GCLC: variants seen among roughly 807,000 people sequenced by gnomAD.
GCLC encodes glutamate--cysteine ligase catalytic subunit.
Under a neutral mutation model 81.5 loss-of-function variants are expected in GCLC, and 30 were observed. That is an observed-to-expected ratio of 0.37 (90% CI 0.28 to 0.50). The LOEUF is 0.50. Ranked by LOEUF, GCLC falls within the 20% of genes least tolerant of loss-of-function variation. GCLC has a pLI of 0.96. For synonymous variants in GCLC, 262 were observed against 273.3 expected (o/e 0.96, Z 0.41); for missense variants, 556 against 777.4 (o/e 0.72, Z 3.39).
At chr6:53,540,554 T>C (rs368579257) in intron 1 of GCLC, among the ~76,000 whole-genome samples, 29 of 152,118 alleles carry the variant, frequency 1.9e-4, no homozygotes, top group African/African-American at 6.3e-4. Flanking sequence ...GTTTCAATTA[T>C]GCAAGATAAA....
chr6:53,501,930 G>A (rs954686783), intron 12 of GCLC, among the ~76,000 whole-genome samples: 4 of 152,150 alleles, frequency 2.6e-5, no homozygotes, highest in African/African-American at 4.8e-5. Context: ...GACATTTAAA[G>A]CTATAATTTT....
rs367958073 is a variant in GCLC at position 53,507,670 on chromosome 6, T to C, written c.946-52A>G. On this transcript the variant is annotated intron_variant, in intron 8 of 15. Coordinates refer to ENST00000650454, the MANE Select transcript of GCLC (RefSeq NM_001498.4). The stretch of plus-strand genomic sequence containing the variant: ...AATATGCTATATAAAATGAGTGGAA[T>C]ATATTTTTATATATGATAATTATAT... The C allele has an allele frequency of 1.6e-4, 114 of 716,946 alleles. No individual in the cohort carries two copies. The African/African-American group carries it at 2.0e-3, about 13-fold the overall frequency. 44.4% of individuals were successfully genotyped at this position (716,946 alleles called of 1,614,324 possible).
chr6:53,519,593 T>C (rs1762949293), intron 3 of GCLC, among the ~76,000 whole-genome samples: 1 of 152,206 alleles, frequency 6.6e-6, no homozygotes, highest in African/African-American at 2.4e-5. Flanking sequence ...CATGAGAGCA[T>C]GCCCATTCTG....
intron 1 of GCLC, among the ~76,000 whole-genome samples, chr6:53,525,965 G>T (rs556956502): frequency 6.6e-6 from 1 of 152,240 alleles, no homozygotes; most frequent in South Asian, 2.1e-4. Context: ...TTTTACAAAT[G>T]AAAATTAAAA....
chr6:53,511,709 A>G (rs1303180359), intron 6 of GCLC, among the ~76,000 whole-genome samples: 2 of 145,894 alleles, frequency 1.4e-5, no homozygotes, highest in African/African-American at 2.5e-5. Context: ...TTAAAAAGCT[A>G]TGAATACATG....
chr6:53,515,313 T>C (rs1385697044), intron 4 of GCLC, among the ~76,000 whole-genome samples: 1 of 152,278 alleles, frequency 6.6e-6, no homozygotes, highest in African/African-American at 2.4e-5. Flanking sequence ...AGCACCTTAC[T>C]TTCTCCAAGA....
At chr6:53,528,926 G>C (rs1763127345) in intron 1 of GCLC, among the ~76,000 whole-genome samples, 1 of 152,140 alleles carries the variant, frequency 6.6e-6, no homozygotes, top group South Asian at 2.1e-4. Context: ...TAATAAAATA[G>C]AGAAAGACAG....
intron 9 of GCLC, 178 bp from the exon 10 acceptor site, chr6:53,507,203 G>A (rs1385749096): frequency 5.9e-6 from 4 of 677,280 alleles, no homozygotes; most frequent in African/African-American, 1.8e-5. Context: ...GACACTGCGG[G>A]AGTGTCAGCG....
chr6:53,497,788 AT>A lies in GCLC; in HGVS notation c.*967del, dbSNP rs1764401143. 1 of 152,640 alleles carries A rather than the reference AT, an allele frequency of 6.6e-6. No individual in the cohort carries two copies. The highest frequency in any genetic ancestry group is 2.4e-5 in the African/African-American group (1 of 41,450). 9.5% of individuals were successfully genotyped at this position (152,640 alleles called of 1,614,324 possible). On this transcript the variant is annotated 3_prime_UTR_variant, in exon 16 of 16. Coordinates refer to ENST00000650454, the MANE Select transcript of GCLC (RefSeq NM_001498.4). ...GAGTTTTATAGAGAAAGTAAGCAGT[AT>A]GTAGAATATTCCCCAGGTAAAATCT...
chr6:53,541,759 T>G (rs930255128), intron 1 of GCLC, among the ~76,000 whole-genome samples: 1 of 152,234 alleles, frequency 6.6e-6, no homozygotes, highest in African/African-American at 2.4e-5. Flanking sequence ...GTATTTAATT[T>G]ATGACAGAGT....
Position 53,514,507 on chromosome 6 carries a change from AC to A in GCLC, c.561-11del, listed in dbSNP as rs1764825008. 1.9e-6 allele frequency: 3 copies of A among 1,608,248 alleles called. No individual in the cohort carries two copies. In the South Asian group the frequency reaches 3.3e-5, roughly 18 times the overall value. On this transcript the variant is annotated splice_polypyrimidine_tract_variant and intron_variant, in intron 4 of 15. Coordinates refer to ENST00000650454, the MANE Select transcript of GCLC (RefSeq NM_001498.4). Reference sequence around the variant, plus strand: ...ATTTCTTGTTAAGGTACTAAAACAGACAACCAAACGTCATAAATTGGTCACC... The same window carrying A: ...ATTTCTTGTTAAGGTACTAAAACAGAAACCAAACGTCATAAATTGGTCACC...
At chr6:53,521,928 C>G (rs921292320) in intron 2 of GCLC, among the ~76,000 whole-genome samples, 1 of 152,256 alleles carries the variant, frequency 6.6e-6, no homozygotes, top group South Asian at 2.1e-4. Flanking sequence ...GAGCTGAGAT[C>G]GTGCCACTGC....
intron 12 of GCLC, chr6:53,505,157 G>A (rs960789965): frequency 2.3e-5 from 11 of 478,270 alleles, no homozygotes; most frequent in Non-Finnish European, 3.4e-5. Flanking sequence ...GGGATTTTGT[G>A]GTGGATGAAA....
At chr6:53,501,986 A>G (rs1764522172) in intron 12 of GCLC, among the ~76,000 whole-genome samples, 1 of 152,196 alleles carries the variant, frequency 6.6e-6, no homozygotes. Context: ...TTTCCTACAC[A>G]ATCTGTAATT....
chr6:53,521,014 A>C (rs1762982425), intron 2 of GCLC, 54 bp from the exon 3 acceptor site: 1 of 1,432,324 alleles, frequency 7.0e-7, no homozygotes, highest in Non-Finnish European at 9.9e-7. Context: ...TAGTCTGCTC[A>C]ATTTTTAAGT....
chr6:53,532,225 G>A (rs1763182873), intron 1 of GCLC, among the ~76,000 whole-genome samples: 2 of 152,298 alleles, frequency 1.3e-5, no homozygotes, highest in South Asian at 4.1e-4. Flanking sequence ...CTATAACAGG[G>A]CAGGGCCCTT....
chr6:53,500,489 G>T lies in GCLC; in HGVS notation c.1420C>A (p.Gln474Lys). The change falls in exon 13 of 16, where the codon CAG becomes AAG. Residue 474 changes from glutamine (Q) to lysine (K), a missense_variant. Gln to Lys is a moderately conservative substitution (Grantham distance 53, BLOSUM62 1). This residue lies in a region of GCLC where 313 missense variants were observed against 437.3 expected (regional missense o/e 0.72). Transcript: ENST00000650454. Reference protein sequence around the residue: ...SKVDENMKVAQKRDAVLQGMF... With the variant: ...SKVDENMKVAKKRDAVLQGMF... ...CCCTGCAAGACAGCATCTCTTTTCT[G>T]TGCTACCTTCATGTTCTCATCAACC... 1 of 1,611,062 alleles carries T rather than the reference G, an allele frequency of 6.2e-7. No individual in the cohort carries two copies. The highest frequency in any genetic ancestry group is 1.1e-5 in the South Asian group (1 of 91,010).
intron 1 of GCLC, among the ~76,000 whole-genome samples, chr6:53,541,833 T>C (rs1264822408): frequency 6.6e-6 from 1 of 152,178 alleles, no homozygotes; most frequent in Non-Finnish European, 1.5e-5. Context: ...TCAGTGAACA[T>C]CATTTACACA....
In GCLC at chr6:53,517,070, T is replaced by A. The variant is rs978833861; in HGVS notation, c.447-848A>T. On this transcript the variant is annotated intron_variant, in intron 3 of 15. Transcript: ENST00000650454. ...AGGATCAAGACTAGCTCATATCTTT[T>A]AAAAAAAAATTTTTTTTTTTTTTTT... Among the ~76,000 whole-genome samples, 635 of 130,862 alleles carry A rather than the reference T, an allele frequency of 4.9e-3. 2 individuals carry two copies. Among genetic ancestry groups the A allele is most frequent in the Middle Eastern group, 0.012 (3 of 254 alleles). The allele number at this position is 130,862 out of a possible 152,430, so 85.9% of individuals were successfully genotyped here.
Sources: allele counts gnomAD v4.1 joint callset (sites outside exome capture counted in the v4.1 genomes callset), GRCh38; gene constraint gnomAD v4.1.1; regional missense constraint gnomAD v4.1.1; transcripts MANE v1.5; gene names NCBI Gene and HGNC (gene_info 2026-07-23, HGNC 2026-07-21).